GAS7: variants seen among roughly 807,000 people sequenced by gnomAD.
GAS7 encodes the protein growth arrest-specific protein 7.
In GAS7, 28 loss-of-function variants were observed where a neutral mutation model predicts 71.1. The observed-to-expected ratio is 0.39, with a 90% confidence interval of 0.29 to 0.54. The LOEUF is 0.54. GAS7 is among the 20% of genes least tolerant of loss of function. The pLI is 0.62. For synonymous variants in GAS7, 258 were observed against 245.8 expected, an observed-to-expected ratio of 1.05 and a Z score of -0.46; for missense variants, 436 against 627.8, an observed-to-expected ratio of 0.69 and a Z score of 3.27.
At chr17:9,918,175 A>C in intron 12 of GAS7, 76 bp from the exon 13 acceptor site, 12 of 947,026 alleles carry the variant, frequency 1.3e-5, no homozygotes, top group Non-Finnish European at 1.8e-5. Context: ...AGACCACAAA[A>C]CGCAAGTCAC....
chr17:10,033,805 A>G (rs111769974), intron 1 of GAS7, among the ~76,000 whole-genome samples: 1 of 152,198 alleles, frequency 6.6e-6, no homozygotes, highest in Non-Finnish European at 1.5e-5. Context: ...CTGAAGGAAA[A>G]TGGAAGCAGC....
intron 1 of GAS7, among the ~76,000 whole-genome samples, chr17:10,020,710 G>A (rs1368204857): frequency 2.0e-5 from 3 of 151,966 alleles, no homozygotes; most frequent in Non-Finnish European, 2.9e-5. Context: ...TCAGGAGTTC[G>A]CGACCAGCCT....
At chr17:10,065,261 G>A (rs2073269269) in intron 1 of GAS7, among the ~76,000 whole-genome samples, 1 of 152,182 alleles carries the variant, frequency 6.6e-6, no homozygotes, top group African/African-American at 2.4e-5. Flanking sequence ...TGCACTTGTG[G>A]GTAAGCTTCT....
chr17:10,046,488 C>T (rs1174108733), intron 1 of GAS7, among the ~76,000 whole-genome samples: 6 of 151,684 alleles, frequency 4.0e-5, no homozygotes, highest in Non-Finnish European at 4.4e-5. Context: ...CCTGTCATCC[C>T]AGCACACTGC....
chr17:10,022,470 A>G (rs1312323026), intron 1 of GAS7, among the ~76,000 whole-genome samples: 1 of 152,206 alleles, frequency 6.6e-6, no homozygotes, highest in Non-Finnish European at 1.5e-5. Flanking sequence ...GGGGTGCAGG[A>G]GACAGGAACC....
At chr17:9,931,259 G>A (rs1397709883) in intron 9 of GAS7, among the ~76,000 whole-genome samples, 2 of 152,126 alleles carry the variant, frequency 1.3e-5, no homozygotes, top group Admixed American at 6.5e-5. Flanking sequence ...GCTATCTCGC[G>A]TGGTGGTTGA....
chr17:9,956,869 G>A (rs11655865), intron 5 of GAS7, among the ~76,000 whole-genome samples: 1 of 152,088 alleles, frequency 6.6e-6, no homozygotes, highest in African/African-American at 2.4e-5. Flanking sequence ...CATCCCTTTC[G>A]CCCTGAGCAT....
chr17:9,927,554 C>T (rs1276162385), intron 9 of GAS7, among the ~76,000 whole-genome samples: 1 of 152,058 alleles, frequency 6.6e-6, no homozygotes, highest in Non-Finnish European at 1.5e-5. Flanking sequence ...TATCCCACAG[C>T]TTCTTGCACG....
intron 1 of GAS7, among the ~76,000 whole-genome samples, chr17:10,119,138 C>T (rs1359267769): frequency 6.6e-6 from 1 of 152,040 alleles, no homozygotes; most frequent in Non-Finnish European, 1.5e-5. Flanking sequence ...GAATGGGTTG[C>T]GGGGAGCAGA....
chr17:10,191,120 A>T (rs141427698), intron 1 of GAS7, among the ~76,000 whole-genome samples: 3,469 of 152,124 alleles, frequency 0.023, 59 homozygotes, highest in Non-Finnish European at 0.035. Flanking sequence ...GGTTACAGTG[A>T]GCCGAGATCA....
At chr17:10,194,858 CAA>C (rs5819269) in intron 1 of GAS7, among the ~76,000 whole-genome samples, 7 of 85,184 alleles carry the variant, frequency 8.2e-5, no homozygotes, top group Non-Finnish European at 1.3e-4. Context: ...GACTCTGTCT[CAA>C]AAAAAAAAAA....
At chr17:10,059,266 T>C (rs767332773) in intron 1 of GAS7, among the ~76,000 whole-genome samples, 17 of 152,230 alleles carry the variant, frequency 1.1e-4, no homozygotes, top group Non-Finnish European at 2.4e-4. Context: ...AACTCTATTA[T>C]GCTACTTGGA....
intron 1 of GAS7, among the ~76,000 whole-genome samples, chr17:10,048,923 G>A (rs761743829): frequency 9.2e-5 from 14 of 152,184 alleles, no homozygotes; most frequent in East Asian, 7.7e-4. Context: ...AGCTCATTGC[G>A]GGGGGGAAGA....
intron 2 of GAS7, among the ~76,000 whole-genome samples, chr17:10,003,104 G>A (rs530143625): frequency 3.3e-5 from 5 of 152,326 alleles, no homozygotes; most frequent in South Asian, 4.1e-4. Flanking sequence ...AACTCAACCC[G>A]TAACATGAAG....
In GAS7 at chr17:9,933,181, A is replaced by C. The variant is rs139379815; in HGVS notation, c.885+985T>G. On this transcript the variant is annotated intron_variant, in intron 9 of 13. Coordinates refer to ENST00000432992, the MANE Select transcript of GAS7 (RefSeq NM_201433.2). The stretch of plus-strand genomic sequence containing the variant: ...AGCAAGACTCTGTCTCAAAATCAAT[A>C]AATCAATAAATCAATCAATAAATAA... Among the ~76,000 whole-genome samples the C allele has an allele frequency of 9.6e-3, 1,467 of 152,268 alleles. 19 individuals are homozygous for C. Among genetic ancestry groups the C allele is most frequent in the African/African-American group, 0.033 (1,362 of 41,542 alleles).
intron 1 of GAS7, among the ~76,000 whole-genome samples, chr17:10,138,129 A>AT (rs546326078): frequency 3.4e-4 from 51 of 150,492 alleles, no homozygotes; most frequent in East Asian, 2.8e-3. Context: ...CGCCCAGCTA[A>AT]TTTTTTTTTG....
intron 1 of GAS7, among the ~76,000 whole-genome samples, chr17:10,134,563 T>C (rs974418864): frequency 6.6e-6 from 1 of 152,208 alleles, no homozygotes; most frequent in Non-Finnish European, 1.5e-5. Context: ...CAAAGATCCC[T>C]TTTGCTCTAC....
intron 11 of GAS7, among the ~76,000 whole-genome samples, chr17:9,925,074 T>C (rs1446314230): frequency 6.6e-6 from 1 of 152,170 alleles, no homozygotes; most frequent in Non-Finnish European, 1.5e-5. Flanking sequence ...AGTGGGCAGC[T>C]TGGGTGAGCT....
chr17:10,028,251 G>A (rs894514130), intron 1 of GAS7, among the ~76,000 whole-genome samples: 3 of 152,078 alleles, frequency 2.0e-5, no homozygotes, highest in African/African-American at 4.8e-5. Context: ...GTACGCATCT[G>A]TAGCTCCAGG....
Sources: allele counts gnomAD v4.1 joint callset (sites outside exome capture counted in the v4.1 genomes callset), GRCh38; gene constraint gnomAD v4.1.1; transcripts MANE v1.5; gene names NCBI Gene and HGNC (gene_info 2026-07-23, HGNC 2026-07-21).